The following ATP8A2 variants were observed in gnomAD, a reference collection of about 807,000 sequenced individuals.
ATP8A2 encodes ATPase phospholipid transporting 8A2.
In ATP8A2, 100 loss-of-function variants were observed where a neutral mutation model predicts 165.6. The ratio of observed to expected loss-of-function variants is 0.60; its 90% CI spans 0.51 to 0.71. ATP8A2 has a LOEUF of 0.71. ATP8A2 is among the 30% of genes least tolerant of loss of function. The pLI is 0.00. For synonymous variants in ATP8A2, 543 were observed against 548.8 expected, an observed-to-expected ratio of 0.99 and a Z score of 0.15; for missense variants, 1,227 against 1,479.5, an observed-to-expected ratio of 0.83 and a Z score of 2.80.
chr13:25,727,932 T>C (rs1350934683), intron 25 of ATP8A2, among the ~76,000 whole-genome samples: 1 of 152,148 alleles, frequency 6.6e-6, no homozygotes, highest in East Asian at 1.9e-4. Context: ...CCCTGTGCTC[T>C]GGTCCTGGCA....
intron 24 of ATP8A2, among the ~76,000 whole-genome samples, chr13:25,610,714 T>C (rs1283999743): frequency 1.3e-5 from 2 of 152,046 alleles, no homozygotes; most frequent in Non-Finnish European, 2.9e-5. Context: ...AGGGTGGTCA[T>C]TTCCATTCGT....
intron 34 of ATP8A2, 59 bp from the exon 35 acceptor site, chr13:25,968,516 T>C (rs1031406972): frequency 1.3e-6 from 2 of 1,493,910 alleles, no homozygotes; most frequent in Non-Finnish European, 1.8e-6. Context: ...GCGGCCTGTC[T>C]TTCCCAGCTG....
At chr13:25,543,525 G>T (rs1274910441) in intron 10 of ATP8A2, 123 bp downstream of exon 10, 3 of 597,142 alleles carry the variant, frequency 5.0e-6, no homozygotes, top group Non-Finnish European at 8.9e-6. Flanking sequence ...AATTTGGAAA[G>T]AACTGCCTTT....
intron 24 of ATP8A2, among the ~76,000 whole-genome samples, chr13:25,599,806 G>T (rs1461823092): frequency 3.9e-5 from 6 of 152,280 alleles, no homozygotes; most frequent in African/African-American, 1.4e-4. Flanking sequence ...AGCTATTTTG[G>T]TCCTACTTGC....
Position 25,862,423 on chromosome 13 carries a change from T to C in ATP8A2, c.3183+15T>C, listed in dbSNP as rs761094135. On this transcript the variant is annotated intron_variant, in intron 33 of 36. Coordinates refer to ENST00000381655, the MANE Select transcript of ATP8A2 (RefSeq NM_016529.6). Reference sequence around the variant, plus strand: ...TGAGAGGACAGGTAAGTACTCCTGATTGGGAGTGTGTCTTCTGTGTCTTGT... The same window carrying C: ...TGAGAGGACAGGTAAGTACTCCTGACTGGGAGTGTGTCTTCTGTGTCTTGT... The C allele has an allele frequency of 5.1e-6, 8 of 1,582,666 alleles. No homozygotes were observed. Among genetic ancestry groups the C allele is most frequent in the Non-Finnish European group, 6.9e-6 (8 of 1,151,382 alleles).
chr13:25,464,671 T>C (rs2035589101), intron 1 of ATP8A2, among the ~76,000 whole-genome samples: 1 of 152,128 alleles, frequency 6.6e-6, no homozygotes, highest in African/African-American at 2.4e-5. Flanking sequence ...GTAGATGGTA[T>C]TGCACGGTAT....
intron 2 of ATP8A2, among the ~76,000 whole-genome samples, chr13:25,471,625 T>G (rs138270888): frequency 0.085 from 12,960 of 152,240 alleles, 881 homozygotes; most frequent in African/African-American, 0.19. Flanking sequence ...TTACAGGTGT[T>G]AGCCACCAGG....
chr13:25,940,885 G>A (rs1175856664), intron 33 of ATP8A2, among the ~76,000 whole-genome samples: 1 of 152,198 alleles, frequency 6.6e-6, no homozygotes, highest in Admixed American at 6.5e-5. Context: ...CCTGTGAGAG[G>A]AGAATCAACA....
At chr13:25,602,937 G>A (rs1259885136) in intron 24 of ATP8A2, among the ~76,000 whole-genome samples, 1 of 151,962 alleles carries the variant, frequency 6.6e-6, no homozygotes, top group South Asian at 2.1e-4. Context: ...CCAGGCATGG[G>A]GGGGTGTGCC....
chr13:25,466,845 T>C (rs1457893268), intron 1 of ATP8A2, among the ~76,000 whole-genome samples: 1 of 152,138 alleles, frequency 6.6e-6, no homozygotes, highest in East Asian at 1.9e-4. Context: ...CTGGGTGCAG[T>C]GAGACAGAGC....
At chr13:25,956,118 C>T (rs904561871) in intron 33 of ATP8A2, among the ~76,000 whole-genome samples, 14 of 152,106 alleles carry the variant, frequency 9.2e-5, no homozygotes, top group African/African-American at 3.4e-4. Flanking sequence ...ATTGATGGAA[C>T]GTATCTCAAT....
intron 23 of ATP8A2, among the ~76,000 whole-genome samples, chr13:25,586,931 T>C (rs767781686): frequency 3.9e-5 from 6 of 152,186 alleles, no homozygotes; most frequent in Non-Finnish European, 8.8e-5. Context: ...CTATATAATA[T>C]TTTGGTTTCT....
chr13:25,469,128 G>C lies in ATP8A2; in HGVS notation c.221+7G>C. On this transcript the variant is annotated splice_region_variant and intron_variant, in intron 2 of 36. Transcript: ENST00000381655. The stretch of plus-strand genomic sequence containing the variant: ...TCCGCGACAACCAGATCAGGTAGGA[G>C]AAGGCGGCCGGCTCGCGCGGAAGGC... The C allele has an allele frequency of 6.2e-7, 1 of 1,613,568 alleles. No homozygotes were observed. The highest frequency in any genetic ancestry group is 8.5e-7 in the Non-Finnish European group (1 of 1,179,650).
At chr13:25,853,530 C>T (rs1952072551) in intron 30 of ATP8A2, among the ~76,000 whole-genome samples, 1 of 151,644 alleles carries the variant, frequency 6.6e-6, no homozygotes, top group African/African-American at 2.4e-5. Context: ...ATGTTTTAGT[C>T]CCTGACTCAA....
rs1375792552 is a variant in ATP8A2 at position 25,372,159 on chromosome 13, T to A, written c.-54T>A. On this transcript the variant is annotated 5_prime_UTR_variant, in exon 1 of 37. Coordinates refer to ENST00000381655, the MANE Select transcript of ATP8A2 (RefSeq NM_016529.6). The surrounding 1 kb of genome is among the most constrained non-coding windows in gnomAD (Gnocchi z 4.8). ...GGGCGGCGGCCCCTGCGCCCAGCCCTGCGCGTAGCCTCCGTCTCTCGCCCG... is the reference window on the plus strand; with the variant it reads ...GGGCGGCGGCCCCTGCGCCCAGCCCAGCGCGTAGCCTCCGTCTCTCGCCCG... 7.6e-7 allele frequency: 1 copy of A among 1,314,682 alleles called. No homozygotes were observed. Among genetic ancestry groups the A allele is most frequent in the African/African-American group, 1.5e-5 (1 of 65,166 alleles). The allele number at this position is 1,314,682 out of a possible 1,614,324, so 81.4% of individuals were successfully genotyped here. A position where few individuals can be genotyped will look rare whatever the true frequency, so the allele number is the denominator to read the frequency against.
At chr13:25,667,847 C>G in intron 24 of ATP8A2, among the ~76,000 whole-genome samples, 1 of 151,618 alleles carries the variant, frequency 6.6e-6, no homozygotes, top group Non-Finnish European at 1.5e-5. Flanking sequence ...TATTTTCTTA[C>G]TGATTTACCA....
At chr13:25,704,151 C>T (rs1157161095) in intron 25 of ATP8A2, among the ~76,000 whole-genome samples, 1 of 152,064 alleles carries the variant, frequency 6.6e-6, no homozygotes, top group Non-Finnish European at 1.5e-5. Context: ...TTCCCAGGCC[C>T]TTCCTCAGAG....
intron 1 of ATP8A2, among the ~76,000 whole-genome samples, chr13:25,425,209 A>ATC (rs2034410693): frequency 6.6e-6 from 1 of 151,936 alleles, no homozygotes; most frequent in African/African-American, 2.4e-5. Flanking sequence ...TTATACTATC[A>ATC]TTAGAGCACT....
chr13:26,022,401 T>G lies in ATP8A2; in HGVS notation c.*2416T>G, dbSNP rs1251344284. ...ATGTATTTAAGTGTGTGTTTGTGTT[T>G]GTTTGGGGTTTTTGTTTCTTACATT... On this transcript the variant is annotated 3_prime_UTR_variant, in exon 37 of 37. Coordinates refer to ENST00000381655, the MANE Select transcript of ATP8A2 (RefSeq NM_016529.6). 1.3e-5 allele frequency: 2 copies of G among 152,242 alleles called. No individual in the cohort carries two copies. The highest frequency in any genetic ancestry group is 4.8e-5 in the African/African-American group (2 of 41,462). The allele number at this position is 152,242 out of a possible 1,614,324, so 9.4% of individuals were successfully genotyped here.
Sources: gnomAD v4.1 joint callset for allele counts (sites outside exome capture counted in the v4.1 genomes callset) on GRCh38, gnomAD v4.1.1 for gene constraint, Gnocchi (gnomAD v3.1) non-coding constraint, MANE v1.5 for transcripts, NCBI Gene and HGNC (gene_info 2026-07-23, HGNC 2026-07-21) for gene names.